Variants in ALOX15B observed in about 807,000 individuals in gnomAD.
ALOX15B encodes the protein polyunsaturated fatty acid lipoxygenase ALOX15B.
ALOX15B carries 74 observed loss-of-function variants against 73.8 expected under a neutral mutation model. The ratio of observed to expected loss-of-function variants is 1.00; its 90% confidence interval spans 0.83 to 1.22. The LOEUF (loss-of-function observed/expected upper bound fraction) is 1.22, where lower values mean the gene tolerates loss of function less well. Ranked by LOEUF, ALOX15B falls within the 50% of genes most tolerant of loss-of-function variation. The probability of loss-of-function intolerance (pLI) is 0.00; values close to 1 mark genes in which losing one functional copy is unlikely to be tolerated. For missense variants in ALOX15B, 896 were observed against 859.9 expected (o/e 1.04, Z -0.52); for synonymous variants, 353 against 357.2 (o/e 0.99, Z 0.13).
Position 8,048,465 on chromosome 17 carries a change from T to C in ALOX15B, c.1931T>C (p.Leu644Pro). Residue 644 changes from leucine to proline, a missense_variant, in exon 14 of 14, where the codon CTG becomes CCG. Physicochemically the swap from Leu to Pro is moderately conservative, Grantham distance 98 (BLOSUM62 -3). Transcript: ENST00000380183. The part of the protein sequence containing the change: ...RRSIATFQSR[L>P]AQISRGIQER... ...AGCATCGCCACCTTCCAGAGCCGCC[T>C]GGCCCAGATCTCGAGGGGCATCCAG... is the stretch of plus-strand genomic sequence containing the variant. The C allele has an allele frequency of 6.2e-7, 1 of 1,614,108 alleles. No homozygotes were observed.
intron 3 of ALOX15B, among the ~76,000 whole-genome samples, chr17:8,040,554 A>C (rs375179996): frequency 9.2e-4 from 137 of 149,070 alleles, no homozygotes; most frequent in African/African-American, 3.3e-3. Context: ...AAAAAAGAAA[A>C]AAAAAAAGGA....
Position 8,046,656 on chromosome 17 carries a change from C to T in ALOX15B, c.1201-12C>T, listed in dbSNP as rs747119115. The T allele has an allele frequency of 1.2e-6, 2 of 1,612,228 alleles. No individual in the cohort carries two copies. The highest frequency in any genetic ancestry group is 1.3e-5 in the African/African-American group (1 of 74,986). On this transcript the variant is annotated splice_polypyrimidine_tract_variant and intron_variant, in intron 8 of 13. Transcript: ENST00000380183. ...AGGCCTCCCCTAGCTCTGCCATTTT[C>T]CTGCCATGCAGCTGCTGATCCCGCA...
intron 3 of ALOX15B, 117 bp from the exon 4 acceptor site, chr17:8,042,252 C>T: frequency 1.5e-6 from 2 of 1,341,030 alleles, no homozygotes; most frequent in African/African-American, 1.5e-5. Context: ...GGAGGGCCCT[C>T]TTGGCTGAAG....
At position 8,042,798 on chromosome 17, in the gene ALOX15B, T is replaced by C; in HGVS notation, c.590T>C (p.Ile197Thr). 1 of 1,556,748 alleles carries C rather than the reference T, an allele frequency of 6.4e-7. No individual in the cohort carries two copies. Among genetic ancestry groups the C allele is most frequent in the Non-Finnish European group, 8.7e-7 (1 of 1,150,168 alleles). The change falls in exon 5 of 14, where the codon ATC (isoleucine) becomes ACC (threonine). Residue 197 changes from isoleucine (I) to threonine (T), a missense_variant. Physicochemically the swap from Ile to Thr is moderately conservative, Grantham distance 89. Coordinates refer to ENST00000380183, the MANE Select transcript of ALOX15B (RefSeq NM_001141.3). ...CCTGGCAGTTTTGCAGAGATGAAAA[T>C]CAAGGGGTTGCTGGACCGCAAGGGG... ...QAGSAFAEMK[I>T]KGLLDRKGLW...
At position 8,048,418 on chromosome 17, in the gene ALOX15B, CA is replaced by C; in HGVS notation, c.1885del (p.Thr629GlnfsTer37). On this transcript the variant is annotated frameshift_variant, in exon 14 of 14. Coordinates refer to ENST00000380183, the MANE Select transcript of ALOX15B (RefSeq NM_001141.3). LOFTEE classifies it low-confidence loss of function (END_TRUNC). ...PLGTYPDEHF[T>X]EEAPRRSIAT... ...TGGGCACCTATCCGGATGAGCACTT[CA>C]CAGAGGAGGCCCCTCGGCGGAGCAT... 1 of 1,613,976 alleles carries C rather than the reference CA, an allele frequency of 6.2e-7. No homozygotes were observed. Among genetic ancestry groups the C allele is most frequent in the Admixed American group, 1.7e-5 (1 of 60,030 alleles).
In ALOX15B at chr17:8,047,839, C is replaced by G; in HGVS notation, c.1775C>G (p.Ala592Gly). The change falls in exon 13 of 14, where the codon GCC (alanine) becomes GGC (glycine). Residue 592 changes from alanine to glycine, a missense_variant. Ala to Gly is a moderately conservative substitution (Grantham distance 60). Transcript: ENST00000380183. ...CTGGCAACATGCGAGGGCTTCATAGCCACCCTCCCACCTGTCAATGCCACA... is the reference window on the plus strand; with the variant it reads ...CTGGCAACATGCGAGGGCTTCATAGGCACCCTCCCACCTGTCAATGCCACA... Reference protein sequence around the residue: ...KGLATCEGFIATLPPVNATCD... With the variant: ...KGLATCEGFIGTLPPVNATCD... 6.2e-7 allele frequency: 1 copy of G among 1,614,182 alleles called. No homozygotes were observed. Among genetic ancestry groups the G allele is most frequent in the Non-Finnish European group, 8.5e-7 (1 of 1,180,034 alleles).
chr17:8,048,832 G>A lies in ALOX15B; in HGVS notation c.*267G>A, dbSNP rs545788051. On this transcript the variant is annotated 3_prime_UTR_variant, in exon 14 of 14. Transcript: ENST00000380183. ...GGAGGCTCCAAGCCTCAAAGTGCCC[G>A]CAGAGCCCACCTTGAGGGTTTTGCT... is the stretch of plus-strand genomic sequence containing the variant. 12 of 362,982 alleles carry A rather than the reference G, an allele frequency of 3.3e-5. No individual in the cohort carries two copies. The highest frequency in any genetic ancestry group is 4.4e-5 in the Non-Finnish European group (9 of 203,308). The allele number at this position is 362,982 out of a possible 1,614,324, so 22.5% of individuals were successfully genotyped here.
chr17:8,039,926 A>G lies in ALOX15B; in HGVS notation c.392A>G (p.His131Arg). Residue 131 changes from histidine (H) to arginine (R), a missense_variant, in exon 3 of 14, where the codon CAC becomes CGC. His to Arg is a conservative substitution (Grantham distance 29, BLOSUM62 0). Transcript: ENST00000380183. ...GCCAAGGTGTCCTGGGCAGACCACCACCCTGTGCTCCAGCAACAGCGCCAG... is the reference window on the plus strand; with the variant it reads ...GCCAAGGTGTCCTGGGCAGACCACCGCCCTGTGCTCCAGCAACAGCGCCAG... ...GTAKVSWADH[H>R]PVLQQQRQEE... 1 of 1,612,826 alleles carries G rather than the reference A, an allele frequency of 6.2e-7. No homozygotes were observed. Among genetic ancestry groups the G allele is most frequent in the Non-Finnish European group, 8.5e-7 (1 of 1,179,572 alleles).
At position 8,041,891 on chromosome 17, in the gene ALOX15B, G is replaced by A. The variant is rs191216689; in HGVS notation, c.450-478G>A. Reference sequence around the variant, plus strand: ...TCTACAAGATGCGTCTGTGTTAGTCGGGACTTCTATAGTTGCAAGAACAAA... The same window carrying A: ...TCTACAAGATGCGTCTGTGTTAGTCAGGACTTCTATAGTTGCAAGAACAAA... On this transcript the variant is annotated intron_variant, in intron 3 of 13. Transcript: ENST00000380183. Among the ~76,000 whole-genome samples the A allele has an allele frequency of 1.1e-4, 16 of 152,302 alleles. No homozygotes were observed. In the East Asian group the frequency reaches 2.5e-3, roughly 24 times the overall value.
intron 4 of ALOX15B, 136 bp from the exon 5 acceptor site, chr17:8,042,645 C>A: frequency 7.5e-7 from 1 of 1,330,046 alleles, no homozygotes; most frequent in Non-Finnish European, 1.0e-6. Context: ...TCCCACAGAG[C>A]AACAGCTACC....
intron 4 of ALOX15B, 114 bp downstream of exon 4, chr17:8,042,605 C>A: frequency 6.8e-7 from 1 of 1,462,204 alleles, no homozygotes; most frequent in Non-Finnish European, 9.4e-7. Context: ...CATAGTCCTG[C>A]CCAGGAAACA....
At position 8,048,903 on chromosome 17, in the gene ALOX15B, A is replaced by G. The variant is rs1232912044; in HGVS notation, c.*338A>G. 4 of 192,614 alleles carry G rather than the reference A, an allele frequency of 2.1e-5. No homozygotes were observed. The East Asian group carries it at 5.2e-4, about 25-fold the overall frequency. The allele number at this position is 192,614 out of a possible 1,614,324, so 11.9% of individuals were successfully genotyped here. A position where few individuals can be genotyped will look rare whatever the true frequency, so the allele number is the denominator to read the frequency against. On this transcript the variant is annotated 3_prime_UTR_variant, in exon 14 of 14. Coordinates refer to ENST00000380183, the MANE Select transcript of ALOX15B (RefSeq NM_001141.3). ...TTACAGCCGTGGGGGGAAGCACATA[A>G]TCCCGCCCCAGGGCCCACTAGCATC...
Position 8,039,484 on chromosome 17 carries a change from G to A in ALOX15B, c.246G>A (p.Leu82=), listed in dbSNP as rs757429778. 7 of 1,586,622 alleles carry A rather than the reference G, an allele frequency of 4.4e-6. No homozygotes were observed. Among genetic ancestry groups the A allele is most frequent in the African/African-American group, 4.0e-5 (3 of 74,090 alleles). ...CAGTGCTGCCCCTGCTGGGGCCCCT[G>A]GCCCCGGATGCCTGGTTCTGCCGCT... ...APPVLPLLGP[L]APDAWFCRWF... Residue 82 remains leucine (L), a synonymous_variant, in exon 2 of 14, where the codon CTG becomes CTA. Coordinates refer to ENST00000380183, the MANE Select transcript of ALOX15B (RefSeq NM_001141.3).
rs1555638514 is a variant in ALOX15B at position 8,040,650 on chromosome 17, A to AGAAAGAAAGAAAGAAG, written c.449+671_449+672insGAAAGAAAGAAGGAAA. Among the ~76,000 whole-genome samples, 15 of 112,790 alleles carry AGAAAGAAAGAAAGAAG rather than the reference A, an allele frequency of 1.3e-4. No individual in the cohort carries two copies. In the South Asian group the frequency reaches 3.8e-3, roughly 29 times the overall value. 74.0% of individuals were successfully genotyped at this position (112,790 alleles called of 152,430 possible). ...AAGAAAGAAAGAAAGAAAGAAAGAA[A>AGAAAGAAAGAAAGAAG]GAAAAGAAAGAGAAAGAAACTGCTT... On this transcript the variant is annotated intron_variant, in intron 3 of 13. Transcript: ENST00000380183.
intron 2 of ALOX15B, 89 bp downstream of exon 2, chr17:8,039,694 AG>A: frequency 7.5e-7 from 1 of 1,339,220 alleles, no homozygotes; most frequent in South Asian, 1.4e-5. Context: ...TGAAATGGAG[AG>A]GTGAGCTGGT....
At position 8,045,133 on chromosome 17, in the gene ALOX15B, C is replaced by T. The variant is rs1423607997; in HGVS notation, c.850-105C>T. The T allele has an allele frequency of 6.3e-6, 10 of 1,592,202 alleles. No individual in the cohort carries two copies. The Admixed American group carries it at 6.7e-5, about 11-fold the overall frequency. On this transcript the variant is annotated intron_variant, in intron 6 of 13. Coordinates refer to ENST00000380183, the MANE Select transcript of ALOX15B (RefSeq NM_001141.3). ...GCGTGCTGCGTGCCAAGCACACTCT[C>T]CCGAAACACACTCCTCTCCCAGCCC... is the stretch of plus-strand genomic sequence containing the variant.
Position 8,048,701 on chromosome 17 carries a change from C to A in ALOX15B, c.*136C>A. 2 of 862,538 alleles carry A rather than the reference C, an allele frequency of 2.3e-6. No homozygotes were observed. The highest frequency in any genetic ancestry group is 1.7e-5 in the African/African-American group (1 of 58,286). 53.4% of individuals were successfully genotyped at this position (862,538 alleles called of 1,614,324 possible). The stretch of plus-strand genomic sequence containing the variant: ...CCTGGGACAACCAGACTCTGTAACT[C>A]ACCCCCACCACCATACACACACACA... On this transcript the variant is annotated 3_prime_UTR_variant, in exon 14 of 14. Transcript: ENST00000380183.
At position 8,047,547 on chromosome 17, in the gene ALOX15B, C is replaced by T; in HGVS notation, c.1580-17C>T. 2 of 1,586,054 alleles carry T rather than the reference C, an allele frequency of 1.3e-6. No individual in the cohort carries two copies. The highest frequency in any genetic ancestry group is 1.8e-5 in the Admixed American group (1 of 55,424). On this transcript the variant is annotated splice_polypyrimidine_tract_variant and intron_variant, in intron 11 of 13. Coordinates refer to ENST00000380183, the MANE Select transcript of ALOX15B (RefSeq NM_001141.3). Reference sequence around the variant, plus strand: ...CAGGTCCCTGGAAGCCCCATCCCAGCCCAGCTCTCCTTGCAGGTATACCCT... The same window carrying T: ...CAGGTCCCTGGAAGCCCCATCCCAGTCCAGCTCTCCTTGCAGGTATACCCT...
rs1158741262 is a variant in ALOX15B at position 8,040,576 on chromosome 17, G to GA, written c.449+593_449+594insA. ...AAAAAAAAAAAGGAAGGAAGGAAAA[G>GA]GAAGGAAAGAGAGAAAGAAAGAGAG... On this transcript the variant is annotated intron_variant, in intron 3 of 13. Coordinates refer to ENST00000380183, the MANE Select transcript of ALOX15B (RefSeq NM_001141.3). Among the ~76,000 whole-genome samples the GA allele has an allele frequency of 7.8e-3, 755 of 96,720 alleles. 6 individuals are homozygous for GA. Among genetic ancestry groups the GA allele is most frequent in the African/African-American group, 0.03 (699 of 23,190 alleles). 63.5% of individuals were successfully genotyped at this position (96,720 alleles called of 152,430 possible). A position where few individuals can be genotyped will look rare whatever the true frequency, so the allele number is the denominator to read the frequency against.
Sources: allele counts gnomAD v4.1 joint callset (sites outside exome capture counted in the v4.1 genomes callset), GRCh38; gene constraint gnomAD v4.1.1; transcripts MANE v1.5; gene names NCBI Gene and HGNC (gene_info 2026-07-23, HGNC 2026-07-21).